Variants in EIF2D observed in about 807,000 individuals in gnomAD.
EIF2D encodes the protein eukaryotic translation initiation factor 2D, also known as hepatocellular carcinoma-associated antigen 56.
In EIF2D, 56 loss-of-function variants were observed where a neutral mutation model predicts 77.4. The observed-to-expected ratio is 0.72, with a 90% confidence interval of 0.58 to 0.90. EIF2D has a LOEUF of 0.90. Ranked by LOEUF, EIF2D falls within the 40% of genes least tolerant of loss-of-function variation. The pLI, the probability that EIF2D is intolerant of heterozygous loss-of-function variation, is 0.00. For synonymous variants in EIF2D, 230 were observed against 271.0 expected (o/e 0.85, Z 1.49); for missense variants, 574 against 706.5 (o/e 0.81, Z 2.13).
At chr1:206,585,193 A>G in intron 2 of EIF2D, 1 of 1,611,364 alleles carries the variant, frequency 6.2e-7, no homozygotes, top group South Asian at 1.1e-5. Context: ...TCTTCCAGAA[A>G]CTCTCCATTG....
At chr1:206,581,500 G>A (rs1284693929) in intron 2 of EIF2D, among the ~76,000 whole-genome samples, 1 of 152,170 alleles carries the variant, frequency 6.6e-6, no homozygotes, top group African/African-American at 2.4e-5. Flanking sequence ...TTGGGAGGCT[G>A]AGGCAGGAGA....
chr1:206,591,871 T>G (rs1230134055), intron 14 of EIF2D, 26 bp from the exon 15 acceptor site: 1 of 1,613,150 alleles, frequency 6.2e-7, no homozygotes. Flanking sequence ...CACACACTCC[T>G]CAGCGGAGCA....
chr1:206,598,358 A>G (rs1669750938), intron 11 of EIF2D, among the ~76,000 whole-genome samples: 1 of 152,214 alleles, frequency 6.6e-6, no homozygotes, highest in South Asian at 2.1e-4. Flanking sequence ...AAAACAATTA[A>G]TGGAACTCTC....
chr1:206,608,339 A>G lies in EIF2D; in HGVS notation c.332-13T>C, dbSNP rs781888077. 1 of 1,605,470 alleles carries G rather than the reference A, an allele frequency of 6.2e-7. No individual in the cohort carries two copies. ...GGCAGCATCAAATCTGCAATGAACA[A>G]AAAAAATCACAACCTGCATTCAGCC... On this transcript the variant is annotated splice_polypyrimidine_tract_variant and intron_variant, in intron 3 of 14. Transcript: ENST00000271764.
chr1:206,602,602 C>A (rs1455693644), intron 6 of EIF2D, 149 bp from the exon 7 acceptor site: 2 of 716,470 alleles, frequency 2.8e-6, no homozygotes, highest in African/African-American at 3.5e-5. Context: ...CTCTCTTGAG[C>A]ACTGAGCCTT....
At chr1:206,577,048 C>T (rs1183396308) in intron 4 of EIF2D, among the ~76,000 whole-genome samples, 1 of 151,370 alleles carries the variant, frequency 6.6e-6, no homozygotes, top group Non-Finnish European at 1.5e-5. Flanking sequence ...TGGGCTCAAG[C>T]GATCATCCTG....
intron 4 of EIF2D, among the ~76,000 whole-genome samples, chr1:206,578,263 TAA>T (rs1668734130): frequency 6.6e-6 from 1 of 151,292 alleles, no homozygotes; most frequent in Non-Finnish European, 1.5e-5. Flanking sequence ...TGTGTGTGTG[TAA>T]GTAGATGCTT....
At position 206,592,994 on chromosome 1, in the gene EIF2D, C is replaced by G. The variant is rs781926048; in HGVS notation, c.1684+625G>C. Among the ~76,000 whole-genome samples, 1 of 151,892 alleles carries G rather than the reference C, an allele frequency of 6.6e-6. No homozygotes were observed. Among genetic ancestry groups the G allele is most frequent in the East Asian group, 1.9e-4 (1 of 5,176 alleles). ...GCATGCGCCTATAATCCCAGCTACT[C>G]GGGAGGCTGAGGCAGGGGAATGACT... is the stretch of plus-strand genomic sequence containing the variant. On this transcript the variant is annotated intron_variant, in intron 14 of 14. Coordinates refer to ENST00000271764, the MANE Select transcript of EIF2D (RefSeq NM_006893.3). The surrounding 1 kb of genome is among the most constrained non-coding windows in gnomAD (Gnocchi z 4.7).
chr1:206,577,720 C>T (rs538671580), intron 4 of EIF2D, among the ~76,000 whole-genome samples: 70 of 152,342 alleles, frequency 4.6e-4, no homozygotes, highest in African/African-American at 1.6e-3. Flanking sequence ...ATCCAAGGCT[C>T]ACTGCACTGT....
At position 206,605,540 on chromosome 1, in the gene EIF2D, G is replaced by A. The variant is rs782398785; in HGVS notation, c.423-33C>T. 8.9e-6 allele frequency: 14 copies of A among 1,579,524 alleles called. No homozygotes were observed. In the East Asian group the frequency reaches 1.8e-4, roughly 20 times the overall value. ...GAAGGAAGCCAGAGACCAGGGTCAT[G>A]GAAAATCTATGGGAAGGGCACATGT... On this transcript the variant is annotated intron_variant, in intron 4 of 14. Transcript: ENST00000271764.
At chr1:206,585,434 G>A (rs1466608517) in intron 2 of EIF2D, 15 of 675,000 alleles carry the variant, frequency 2.2e-5, no homozygotes, top group African/African-American at 2.1e-4. Flanking sequence ...GTGAGCAGGG[G>A]TGGGTGATGG....
intron 4 of EIF2D, among the ~76,000 whole-genome samples, chr1:206,574,482 A>G (rs1198879906): frequency 2.0e-5 from 3 of 152,084 alleles, no homozygotes; most frequent in African/African-American, 7.2e-5. Context: ...TTGTCTTTGG[A>G]GACTTGAGTC....
chr1:206,591,701 G>A lies in EIF2D; in HGVS notation c.*74C>T. On this transcript the variant is annotated 3_prime_UTR_variant, in exon 15 of 15. Coordinates refer to ENST00000271764, the MANE Select transcript of EIF2D (RefSeq NM_006893.3). ...ATTATATTTTGTATTTGCAAAAGCT[G>A]AAAATGCTCATAAAAATTACCAGCC... 7.4e-7 allele frequency: 1 copy of A among 1,346,614 alleles called. No individual in the cohort carries two copies. The highest frequency in any genetic ancestry group is 1.1e-6 in the Non-Finnish European group (1 of 945,986). 83.4% of individuals were successfully genotyped at this position (1,346,614 alleles called of 1,614,324 possible). A position where few individuals can be genotyped will look rare whatever the true frequency, so the allele number is the denominator to read the frequency against.
At chr1:206,593,508 A>AGT (rs782562616) in intron 14 of EIF2D, 111 bp downstream of exon 14, 7,159 of 399,980 alleles carry the variant, frequency 0.018, 83 homozygotes, top group Admixed American at 0.065. Flanking sequence ...AGAGAGAGAG[A>AGT]GTGTGTGTGT....
At chr1:206,598,471 C>A (rs1463207611) in intron 11 of EIF2D, among the ~76,000 whole-genome samples, 1 of 152,108 alleles carries the variant, frequency 6.6e-6, no homozygotes, top group Non-Finnish European at 1.5e-5. Context: ...TCTTTGAGAG[C>A]AGAGTAAGGT....
Position 206,591,850 on chromosome 1 carries a change from A to G in EIF2D, c.1685-5T>C, listed in dbSNP as rs782462451. 1 of 1,614,082 alleles carries G rather than the reference A, an allele frequency of 6.2e-7. No homozygotes were observed. On this transcript the variant is annotated splice_polypyrimidine_tract_variant and splice_region_variant and intron_variant, in intron 14 of 14. Transcript: ENST00000271764. ...TTCGAGGGAGCTGATACTCTTCTAC[A>G]ATCCAAAAAGCACACACTCCTCAGC...
At chr1:206,586,965 G>A, downstream of EIF2D, 2 of 1,614,014 alleles carry the variant, frequency 1.2e-6, no homozygotes, top group East Asian at 2.2e-5. Flanking sequence ...GAATCCCAGG[G>A]CAAACCTGGG....
rs782573550 is a variant in EIF2D at position 206,584,400 on chromosome 1, C to A, written c.139-3238G>T. ...CCCCGCTGGCAGAGTGAAGACGGCA[C>A]CTACACGGGTTTCATCAAAGTGCAT... On this transcript the variant is annotated intron_variant and NMD_transcript_variant, in intron 2 of 5. Transcript: ENST00000472709. This position sits in a 1 kb window ranked among gnomAD's most constrained non-coding sequence, Gnocchi z 4.9. The A allele has an allele frequency of 6.2e-7, 1 of 1,612,726 alleles. No individual in the cohort carries two copies. Among genetic ancestry groups the A allele is most frequent in the East Asian group, 2.2e-5 (1 of 44,882 alleles).
rs1220131416 is a variant in EIF2D, at chr1:206,608,304, C to T, written c.354G>A (p.Val118=). ...GGADLMLPGL[V]MPPAGLPQVQ... ...CCTGAGGCAGACCAGCAGGGGGCATCACCAGTCCAGGCAGCATCAAATCTG... is the reference window on the plus strand; with the variant it reads ...CCTGAGGCAGACCAGCAGGGGGCATTACCAGTCCAGGCAGCATCAAATCTG... Residue 118 remains valine (V), a synonymous_variant, in exon 4 of 15, where the codon GTG becomes GTA. Coordinates refer to ENST00000271764, the MANE Select transcript of EIF2D (RefSeq NM_006893.3). 6.2e-7 allele frequency: 1 copy of T among 1,613,016 alleles called. No individual in the cohort carries two copies. The highest frequency in any genetic ancestry group is 8.5e-7 in the Non-Finnish European group (1 of 1,179,476).
Sources: allele counts gnomAD v4.1 joint callset (sites outside exome capture counted in the v4.1 genomes callset), GRCh38; gene constraint gnomAD v4.1.1; non-coding constraint Gnocchi (gnomAD v3.1); transcripts MANE v1.5; gene names NCBI Gene and HGNC (gene_info 2026-07-23, HGNC 2026-07-21).